CDH18: variants seen among roughly 807,000 people sequenced by gnomAD.
CDH18 encodes cadherin-18.
In CDH18, 31 loss-of-function variants were observed where a neutral mutation model predicts 67.9. The observed-to-expected ratio is 0.46, with a 90% CI of 0.34 to 0.62. The LOEUF (loss-of-function observed/expected upper bound fraction) is 0.62, where lower values mean the gene tolerates loss of function less well. Among genes scored for constraint, CDH18 ranks in the 20% least tolerant of loss-of-function variants. The pLI is 0.01. For missense variants in CDH18, 890 were observed against 975.5 expected, an observed-to-expected ratio of 0.91 and a Z score of 1.17; for synonymous variants, 362 against 347.2, an observed-to-expected ratio of 1.04 and a Z score of -0.48.
intron 1 of CDH18, among the ~76,000 whole-genome samples, chr5:20,271,632 G>A (rs1042610292): frequency 1.8e-4 from 28 of 151,726 alleles, no homozygotes; most frequent in Admixed American, 4.0e-4. Context: ...CACCACACAC[G>A]TCACACACAC....
At chr5:19,643,143 AGCCCTCTTAGAATG>A (rs1236483319) in intron 5 of CDH18, among the ~76,000 whole-genome samples, 1 of 152,128 alleles carries the variant, frequency 6.6e-6, no homozygotes, top group African/African-American at 2.4e-5. Flanking sequence ...ATATTACTTT[AGCCCTCTTAGAATG>A]GCCAGTCACT....
intron 5 of CDH18, among the ~76,000 whole-genome samples, chr5:19,668,537 A>G (rs1758290923): frequency 6.6e-6 from 1 of 152,128 alleles, no homozygotes; most frequent in African/African-American, 2.4e-5. Context: ...ATGGCTGCAG[A>G]GACTTATCAA....
intron 3 of CDH18, among the ~76,000 whole-genome samples, chr5:19,799,280 G>A (rs1239584797): frequency 6.6e-6 from 1 of 152,046 alleles, no homozygotes; most frequent in African/African-American, 2.4e-5. Context: ...TGTTCAATGG[G>A]TGTGAAGTGT....
At chr5:20,180,510 C>A (rs1026305830) in intron 2 of CDH18, among the ~76,000 whole-genome samples, 1 of 152,138 alleles carries the variant, frequency 6.6e-6, no homozygotes, top group African/African-American at 2.4e-5. Flanking sequence ...GATGCACACA[C>A]TAAATTGTAA....
At chr5:19,909,300 CTTT>C (rs11352062) in intron 2 of CDH18, among the ~76,000 whole-genome samples, 30 of 130,390 alleles carry the variant, frequency 2.3e-4, no homozygotes, top group South Asian at 4.9e-4. Flanking sequence ...GTTTCCTTCA[CTTT>C]TTTTTTTTTT....
chr5:19,715,465 T>C (rs1278690539), intron 5 of CDH18, among the ~76,000 whole-genome samples: 1 of 152,122 alleles, frequency 6.6e-6, no homozygotes, highest in Non-Finnish European at 1.5e-5. Flanking sequence ...GCATGGCAGT[T>C]TACCTCATCT....
chr5:19,921,313 C>G (rs942951391), intron 2 of CDH18, among the ~76,000 whole-genome samples: 2 of 152,024 alleles, frequency 1.3e-5, no homozygotes, highest in Non-Finnish European at 2.9e-5. Context: ...GGGCGGATCA[C>G]GAGGTCAGGA....
At chr5:19,642,552 G>A (rs1458584074) in intron 5 of CDH18, among the ~76,000 whole-genome samples, 1 of 151,888 alleles carries the variant, frequency 6.6e-6, no homozygotes, top group Non-Finnish European at 1.5e-5. Flanking sequence ...TCTTTAAAAA[G>A]GATGCAAAGA....
At chr5:20,246,068 A>T (rs1580572769) in intron 2 of CDH18, among the ~76,000 whole-genome samples, 1 of 152,164 alleles carries the variant, frequency 6.6e-6, no homozygotes. Flanking sequence ...AAAATTATGG[A>T]AAATGTTATC....
chr5:19,895,623 ACAGGTGAAT>A (rs1789240183), intron 2 of CDH18, among the ~76,000 whole-genome samples: 1 of 152,174 alleles, frequency 6.6e-6, no homozygotes. Context: ...GTGTCCTTCC[ACAGGTGAAT>A]CACTAAATAA....
intron 1 of CDH18, among the ~76,000 whole-genome samples, chr5:20,333,683 A>C: frequency 6.6e-6 from 1 of 152,024 alleles, no homozygotes; most frequent in East Asian, 1.9e-4. Context: ...ATGCTTAAAT[A>C]TTTTAAGAAT....
intron 2 of CDH18, among the ~76,000 whole-genome samples, chr5:19,897,127 AC>A (rs1789432555): frequency 6.6e-6 from 1 of 152,082 alleles, no homozygotes; most frequent in Non-Finnish European, 1.5e-5. Flanking sequence ...TAAAAGAAAC[AC>A]CCATTAATAG....
At chr5:19,609,938 T>C (rs1446225777) in intron 6 of CDH18, among the ~76,000 whole-genome samples, 2 of 152,124 alleles carry the variant, frequency 1.3e-5, no homozygotes, top group Non-Finnish European at 2.9e-5. Flanking sequence ...CAGTTTACAA[T>C]ACTTCCCCAC....
At chr5:20,303,864 G>A (rs953982830) in intron 1 of CDH18, among the ~76,000 whole-genome samples, 2 of 152,198 alleles carry the variant, frequency 1.3e-5, no homozygotes, top group African/African-American at 2.4e-5. Flanking sequence ...CTTAAGAAGG[G>A]AGAGTGCGGT....
At chr5:20,522,606 G>A (rs1755814645) in intron 1 of CDH18, among the ~76,000 whole-genome samples, 1 of 152,226 alleles carries the variant, frequency 6.6e-6, no homozygotes, top group Admixed American at 6.5e-5. Flanking sequence ...ATATTAATGT[G>A]AGGCAGTAGT....
intron 1 of CDH18, among the ~76,000 whole-genome samples, chr5:20,471,603 C>T (rs956082836): frequency 6.6e-6 from 1 of 151,760 alleles, no homozygotes; most frequent in East Asian, 2.0e-4. Flanking sequence ...AGTTCAAGAC[C>T]AGCCTGGCCA....
Position 20,349,948 on chromosome 5 carries a change from T to A in CDH18, c.-579-94443A>T, listed in dbSNP as rs1377675436. 2.0e-5 allele frequency among the ~76,000 whole-genome samples: 3 copies of A among 152,130 alleles called. No homozygotes were observed. In the East Asian group the frequency reaches 5.8e-4, roughly 29 times the overall value. On this transcript the variant is annotated intron_variant, in intron 1 of 14. Transcript: ENST00000507958. ...AGTTTGCATTGTTTTAAAGATGATG[T>A]CACAGTTGGCCAAGGTCAAGAAAGC...
rs556216174 is a variant in CDH18 at position 19,530,539 on chromosome 5, C to T, written c.1391-9761G>A. On this transcript the variant is annotated intron_variant, in intron 9 of 12. Coordinates refer to ENST00000382275, the MANE Select transcript of CDH18 (RefSeq NM_004934.5). ...TGTTGGTGTGCTGCACCCATTAACT[C>T]GTCATTTAGCATTAGGTATATCTCC... 5.9e-5 allele frequency among the ~76,000 whole-genome samples: 9 copies of T among 152,084 alleles called. No homozygotes were observed. In the South Asian group the frequency reaches 6.2e-4, roughly 11 times the overall value.
At chr5:20,545,952 T>A (rs900105165) in intron 1 of CDH18, among the ~76,000 whole-genome samples, 1 of 152,182 alleles carries the variant, frequency 6.6e-6, no homozygotes, top group Admixed American at 6.6e-5. Context: ...TGTGAATGCA[T>A]GTAACTGAAC....
Sources: allele counts gnomAD v4.1 joint callset (sites outside exome capture counted in the v4.1 genomes callset), GRCh38; gene constraint gnomAD v4.1.1; transcripts MANE v1.5; gene names NCBI Gene and HGNC (gene_info 2026-07-23, HGNC 2026-07-21).